The following C5 variants were observed in gnomAD, a reference collection of about 807,000 sequenced individuals.
The protein encoded by C5 is C3 and PZP-like alpha-2-macroglobulin domain-containing protein 4.
Under a neutral mutation model 218.8 loss-of-function variants are expected in C5, and 140 were observed. That is an observed-to-expected ratio of 0.64 (90% CI 0.56 to 0.74). C5 has a LOEUF of 0.74. Ranked by LOEUF, C5 falls within the 30% of genes least tolerant of loss-of-function variation. The pLI is 0.00. For synonymous variants in C5, 614 were observed against 682.3 expected (o/e 0.90, Z 1.56); for missense variants, 1,700 against 1,969.6 (o/e 0.86, Z 2.59).
the C5 span, among the ~76,000 whole-genome samples, chr9:121,066,379 A>G: frequency 6.6e-6 from 1 of 152,022 alleles, no homozygotes; most frequent in Admixed American, 6.6e-5. Flanking sequence ...AAAATTAAAA[A>G]AAAGAAAACC....
chr9:121,029,077 A>T (rs2047451335), intron 7 of C5, among the ~76,000 whole-genome samples: 1 of 152,242 alleles, frequency 6.6e-6, no homozygotes, highest in Non-Finnish European at 1.5e-5. Context: ...AGATCTATTC[A>T]TAAAAAATTT....
At chr9:121,050,362 A>G, upstream of C5, 1 of 885,744 alleles carries the variant, frequency 1.1e-6, no homozygotes, top group East Asian at 2.5e-5. Context: ...AGAAAGGTGA[A>G]CCTCTAAGTG....
chr9:121,008,597 T>C lies in C5; in HGVS notation c.2258-99A>G. On this transcript the variant is annotated intron_variant, in intron 17 of 40. Transcript: ENST00000223642. The stretch of plus-strand genomic sequence containing the variant: ...CCATTAATCTGTAACTTAAGCATTT[T>C]CTGAAAGGTAAATAAAACATTTTGT... The C allele has an allele frequency of 1.5e-5, 13 of 885,022 alleles. No individual in the cohort carries two copies. The South Asian group carries it at 1.8e-4, about 12-fold the overall frequency. The allele number at this position is 885,022 out of a possible 1,614,324, so 54.8% of individuals were successfully genotyped here. A position where few individuals can be genotyped will look rare whatever the true frequency, so the allele number is the denominator to read the frequency against.
intron 17 of C5, among the ~76,000 whole-genome samples, chr9:121,010,104 C>G (rs1207318205): frequency 6.6e-6 from 1 of 152,158 alleles, no homozygotes; most frequent in Non-Finnish European, 1.5e-5. Flanking sequence ...AATTTCTAGG[C>G]AAGTCCTAGT....
chr9:121,022,519 C>T (rs2047375013), intron 10 of C5, among the ~76,000 whole-genome samples: 2 of 148,704 alleles, frequency 1.3e-5, no homozygotes. Flanking sequence ...ATGTCCAAAC[C>T]TTGCTTTGGG....
At chr9:121,033,013 G>GTGTGTGTGTGT (rs1554724861) in intron 5 of C5, among the ~76,000 whole-genome samples, 1 of 143,072 alleles carries the variant, frequency 7.0e-6, no homozygotes, top group South Asian at 2.1e-4. Context: ...AAAAACTATG[G>GTGTGTGTGTGT]GTGTGTGTGT....
chr9:120,961,187 A>G (rs2046824722), intron 37 of C5, among the ~76,000 whole-genome samples: 1 of 152,176 alleles, frequency 6.6e-6, no homozygotes, highest in Admixed American at 6.5e-5. Context: ...CTTGTCTTAT[A>G]TGATAAAAAG....
intron 3 of C5, among the ~76,000 whole-genome samples, chr9:121,042,722 A>C (rs1338688786): frequency 6.6e-6 from 1 of 152,218 alleles, no homozygotes; most frequent in Non-Finnish European, 1.5e-5. Context: ...CATAACATTC[A>C]ACATTTTACA....
intron 22 of C5, among the ~76,000 whole-genome samples, chr9:120,993,021 A>G (rs1331770478): frequency 2.6e-5 from 4 of 152,254 alleles, no homozygotes; most frequent in African/African-American, 9.6e-5. Flanking sequence ...TAGGCAATTG[A>G]CAGATGGGAA....
intron 20 of C5, chr9:121,000,048 G>A: frequency 4.2e-6 from 1 of 239,880 alleles, no homozygotes; most frequent in Non-Finnish European, 8.1e-6. Context: ...GACAGGGCGA[G>A]ACTCTGTCTC....
At chr9:121,037,210 A>G (rs2047533932) in intron 4 of C5, among the ~76,000 whole-genome samples, 1 of 152,040 alleles carries the variant, frequency 6.6e-6, no homozygotes, top group African/African-American at 2.4e-5. Flanking sequence ...CACATAATAA[A>G]TACATAATAG....
the C5 span, among the ~76,000 whole-genome samples, chr9:121,061,458 G>C: frequency 6.6e-6 from 1 of 152,216 alleles, no homozygotes; most frequent in East Asian, 1.9e-4. Context: ...TGAGGCACGA[G>C]AATTGCTTGA....
intron 33 of C5, 34 bp from the exon 34 acceptor site, chr9:120,963,772 A>G (rs1005176838): frequency 1.6e-5 from 24 of 1,456,592 alleles, no homozygotes; most frequent in South Asian, 2.3e-5. Context: ...AATATAATAA[A>G]TAAGTGAATA....
At chr9:121,008,905 G>A (rs565392565) in intron 17 of C5, among the ~76,000 whole-genome samples, 4 of 150,692 alleles carry the variant, frequency 2.7e-5, no homozygotes, top group African/African-American at 7.3e-5. Flanking sequence ...ACTCCAGCCT[G>A]GGTAACAGAG....
chr9:120,962,026 A>G (rs1029697768), intron 36 of C5, among the ~76,000 whole-genome samples: 2 of 152,134 alleles, frequency 1.3e-5, no homozygotes, highest in African/African-American at 4.8e-5. Context: ...CACTTCAAGA[A>G]TTTTCTAACA....
At position 120,991,200 on chromosome 9, in the gene C5, T is replaced by A. The variant is rs749287526; in HGVS notation, c.2932A>T (p.Ser978Cys). The A allele has an allele frequency of 6.3e-7, 1 of 1,592,402 alleles. No individual in the cohort carries two copies. The highest frequency in any genetic ancestry group is 1.1e-5 in the South Asian group (1 of 90,660). The stretch of plus-strand genomic sequence containing the variant: ...GCATTTGTTAATTTACCTTTTACAC[T>A]CAAAATCCTTTTGATTTCTGTTTTG... ...VPKTEIKRIL[S>C]VKGLLVGEIL... The change falls in exon 23 of 41, where the codon AGT becomes TGT. Residue 978 changes from serine (S) to cysteine (C), a missense_variant. By Grantham distance (112) the Ser-to-Cys change is moderately radical. Transcript: ENST00000223642.
the C5 span, among the ~76,000 whole-genome samples, chr9:121,062,666 G>A: frequency 6.6e-6 from 1 of 152,152 alleles, no homozygotes; most frequent in African/African-American, 2.4e-5. Flanking sequence ...GTGATCATTA[G>A]TGCTACGGTC....
At position 120,962,690 on chromosome 9, in the gene C5, C is replaced by T. The variant is rs1239906496; in HGVS notation, c.4485G>A (p.Val1495=). The part of the protein sequence containing the change: ...VGFLSPATFT[V]YEYHRPDKQC... ...GATTACCTGGTCTGTGGTATTCGTA[C>T]ACTGTGAAAGTGGCAGGACTGAGAA... Residue 1495 remains valine (V), a synonymous_variant, in exon 36 of 41, where the codon GTG becomes GTA. Transcript: ENST00000223642. The T allele has an allele frequency of 7.4e-6, 12 of 1,611,970 alleles. No homozygotes were observed. Among genetic ancestry groups the T allele is most frequent in the Admixed American group, 3.3e-5 (2 of 60,024 alleles).
upstream of C5, among the ~76,000 whole-genome samples, chr9:121,053,181 T>C (rs1287493164): frequency 6.6e-6 from 1 of 152,202 alleles, no homozygotes; most frequent in Non-Finnish European, 1.5e-5. Context: ...TAAATTATTC[T>C]AAATGGAGAC....
Sources: allele counts gnomAD v4.1 joint callset (sites outside exome capture counted in the v4.1 genomes callset), GRCh38; gene constraint gnomAD v4.1.1; transcripts MANE v1.5; gene names NCBI Gene and HGNC (gene_info 2026-07-23, HGNC 2026-07-21).